The following UNC5D variants were observed in gnomAD, a reference collection of about 807,000 sequenced individuals.
The protein encoded by UNC5D is netrin receptor UNC5D.
UNC5D carries 39 observed loss-of-function variants against 105.4 expected under a neutral mutation model. The ratio of observed to expected loss-of-function variants is 0.37; its 90% CI spans 0.29 to 0.48. The LOEUF (loss-of-function observed/expected upper bound fraction) is 0.48. Among genes scored for constraint, UNC5D ranks in the 20% least tolerant of loss-of-function variants. The pLI is 0.98. For missense variants in UNC5D, 991 were observed against 1,202.4 expected (o/e 0.82, Z 2.60); for synonymous variants, 452 against 450.4 (o/e 1.00, Z -0.04).
chr8:35,428,598 G>A (rs190962697), intron 1 of UNC5D, among the ~76,000 whole-genome samples: 48 of 151,950 alleles, frequency 3.2e-4, no homozygotes, highest in African/African-American at 1.2e-3. Flanking sequence ...CTGATGTTTG[G>A]CGGCTATGAT....
At chr8:35,677,294 A>G (rs1825305919) in intron 4 of UNC5D, among the ~76,000 whole-genome samples, 1 of 152,094 alleles carries the variant, frequency 6.6e-6, no homozygotes, top group Admixed American at 6.6e-5. Context: ...AAAATGCCAC[A>G]TTTTTTAAGA....
intron 1 of UNC5D, among the ~76,000 whole-genome samples, chr8:35,512,088 GA>G (rs1469294815): frequency 6.6e-6 from 1 of 152,068 alleles, no homozygotes; most frequent in East Asian, 1.9e-4. Flanking sequence ...GTTCTAACCA[GA>G]ATACACCCCC....
chr8:35,391,029 C>CT (rs1324450052), intron 1 of UNC5D, among the ~76,000 whole-genome samples: 1 of 152,164 alleles, frequency 6.6e-6, no homozygotes, highest in Admixed American at 6.5e-5. Context: ...AGCTTCTGTA[C>CT]TTTCATCTGT....
intron 11 of UNC5D, among the ~76,000 whole-genome samples, chr8:35,738,232 C>A (rs1829574412): frequency 6.6e-6 from 1 of 152,150 alleles, no homozygotes; most frequent in Admixed American, 6.5e-5. Flanking sequence ...TAAACTTGAG[C>A]AAATCATTCT....
chr8:35,736,646 G>A (rs1282167391), intron 11 of UNC5D, among the ~76,000 whole-genome samples: 1 of 152,170 alleles, frequency 6.6e-6, no homozygotes, highest in Non-Finnish European at 1.5e-5. Flanking sequence ...CACAGTGAAA[G>A]GATGAACCCC....
chr8:35,410,615 T>A (rs1481621260), intron 1 of UNC5D, among the ~76,000 whole-genome samples: 1 of 152,100 alleles, frequency 6.6e-6, no homozygotes, highest in Non-Finnish European at 1.5e-5. Flanking sequence ...GAGCACCGTT[T>A]TTCAAAAGAA....
At chr8:35,785,879 C>G (rs1802719998) in intron 16 of UNC5D, among the ~76,000 whole-genome samples, 1 of 152,130 alleles carries the variant, frequency 6.6e-6, no homozygotes, top group African/African-American at 2.4e-5. Context: ...CCTCCAGTTC[C>G]TCATTGGCCA....
intron 1 of UNC5D, among the ~76,000 whole-genome samples, chr8:35,369,233 T>C (rs1283980449): frequency 6.6e-6 from 1 of 152,198 alleles, no homozygotes; most frequent in Admixed American, 6.5e-5. Context: ...TTCTTTAAGA[T>C]CAAGAATCAC....
intron 4 of UNC5D, among the ~76,000 whole-genome samples, chr8:35,636,151 G>A (rs759174022): frequency 1.3e-5 from 2 of 152,240 alleles, no homozygotes; most frequent in Middle Eastern, 3.4e-3. Context: ...TTATGCAGGA[G>A]GTACTGATTT....
At chr8:35,545,787 T>C (rs1815624288) in intron 1 of UNC5D, among the ~76,000 whole-genome samples, 1 of 152,218 alleles carries the variant, frequency 6.6e-6, no homozygotes, top group Non-Finnish European at 1.5e-5. Flanking sequence ...TTCCTTCTTT[T>C]CTTATTTTCA....
intron 1 of UNC5D, among the ~76,000 whole-genome samples, chr8:35,290,965 A>G (rs937845469): frequency 2.6e-5 from 4 of 151,488 alleles, no homozygotes; most frequent in Non-Finnish European, 4.4e-5. Context: ...AAAAAAAAAA[A>G]GAGGTGTGAC....
chr8:35,738,104 C>CGAAAA lies in UNC5D; in HGVS notation c.1766+7023_1766+7027dup, dbSNP rs143487485. Reference sequence around the variant, plus strand: ...CTGGGCAACAAGAGTGAAACTGTCTCGAAAAGAAAAGAAAAGAAAGAAAAT... The same window carrying CGAAAA: ...CTGGGCAACAAGAGTGAAACTGTCTCGAAAAGAAAAGAAAAGAAAAGAAAGAAAAT... On this transcript the variant is annotated intron_variant, in intron 11 of 16. Transcript: ENST00000404895. Among the ~76,000 whole-genome samples the CGAAAA allele has an allele frequency of 9.9e-5, 15 of 151,756 alleles. No individual in the cohort carries two copies. In the East Asian group the frequency reaches 1.5e-3, roughly 16 times the overall value.
At chr8:35,753,644 C>T (rs574250206) in intron 13 of UNC5D, among the ~76,000 whole-genome samples, 1 of 152,278 alleles carries the variant, frequency 6.6e-6, no homozygotes, top group East Asian at 1.9e-4. Context: ...TTGTCCTAAT[C>T]TTTTTACCTC....
At chr8:35,768,525 A>C (rs769556564) in intron 15 of UNC5D, among the ~76,000 whole-genome samples, 3 of 152,214 alleles carry the variant, frequency 2.0e-5, no homozygotes, top group Non-Finnish European at 4.4e-5. Context: ...ATAACATAAA[A>C]GATCCCTCTC....
rs1218717905 is a variant in UNC5D, at chr8:35,726,158, C to T, written c.1310C>T (p.Ser437Phe). The change falls in exon 10 of 17, where the codon TCC becomes TTC. Residue 437 changes from serine (S) to phenylalanine (F), a missense_variant. By Grantham distance (155) the Ser-to-Phe change is radical (BLOSUM62 -2). Transcript: ENST00000404895. ...FNFKTVRQGN[S>F]LLLNSAMQPD... ...ATCAATTTTCTTTTACCAGGTAACTCCCTGCTCCTGAATTCTGCCATGCAG... is the reference window on the plus strand; with the variant it reads ...ATCAATTTTCTTTTACCAGGTAACTTCCTGCTCCTGAATTCTGCCATGCAG... 6.2e-7 allele frequency: 1 copy of T among 1,606,512 alleles called. No individual in the cohort carries two copies. The highest frequency in any genetic ancestry group is 8.5e-7 in the Non-Finnish European group (1 of 1,174,578).
intron 4 of UNC5D, among the ~76,000 whole-genome samples, chr8:35,650,511 A>G (rs889922588): frequency 2.0e-5 from 3 of 152,170 alleles, no homozygotes; most frequent in South Asian, 2.1e-4. Flanking sequence ...CTTGTCACCC[A>G]GGCTGGAGTG....
intron 1 of UNC5D, among the ~76,000 whole-genome samples, chr8:35,506,233 C>T (rs1321474760): frequency 1.3e-5 from 2 of 152,138 alleles, no homozygotes; most frequent in Non-Finnish European, 2.9e-5. Flanking sequence ...AAGATAGCTG[C>T]GGTAGCTTCT....
intron 1 of UNC5D, among the ~76,000 whole-genome samples, chr8:35,250,152 A>C (rs550149424): frequency 6.6e-5 from 10 of 152,266 alleles, no homozygotes; most frequent in African/African-American, 2.4e-4. Context: ...GTGTAATTGA[A>C]ATTCTGAAGA....
intron 8 of UNC5D, among the ~76,000 whole-genome samples, chr8:35,713,631 T>C (rs1448249383): frequency 2.0e-5 from 3 of 152,206 alleles, no homozygotes; most frequent in African/African-American, 7.2e-5. Context: ...TTGTTCAATC[T>C]GGCTAGCTTA....
Sources: allele counts gnomAD v4.1 joint callset (sites outside exome capture counted in the v4.1 genomes callset), GRCh38; gene constraint gnomAD v4.1.1; transcripts MANE v1.5; gene names NCBI Gene and HGNC (gene_info 2026-07-23, HGNC 2026-07-21).